The following TRIO variants were observed in gnomAD, a reference collection of about 807,000 sequenced individuals.
The protein encoded by TRIO is trio Rho guanine nucleotide exchange factor, also known as triple functional domain protein.
A neutral mutation model predicts 351.9 loss-of-function variants in TRIO; 58 were observed. The ratio of observed to expected loss-of-function variants is 0.16; its 90% CI spans 0.13 to 0.21. The LOEUF is 0.21. TRIO is among the 10% of genes least tolerant of loss of function. The probability of loss-of-function intolerance (pLI) is 1.00; values close to 1 mark genes in which losing one functional copy is unlikely to be tolerated. For missense variants in TRIO, 3,201 were observed against 4,027.8 expected (o/e 0.79, Z 5.56); for synonymous variants, 1,758 against 1,595.7 (o/e 1.10, Z -2.42).
chr5:14,239,599 G>A (rs984715019), intron 1 of TRIO, among the ~76,000 whole-genome samples: 5 of 152,196 alleles, frequency 3.3e-5, no homozygotes, highest in Non-Finnish European at 7.3e-5. Flanking sequence ...TACAGGTAGG[G>A]ATTCTGAGGC....
chr5:14,295,053 T>C (rs1052228111), intron 6 of TRIO, among the ~76,000 whole-genome samples: 8 of 152,182 alleles, frequency 5.3e-5, no homozygotes, highest in Non-Finnish European at 1.2e-4. Context: ...TGGGGAGCTT[T>C]CTGGACCAGG....
chr5:14,319,132 T>C (rs1581608316), intron 9 of TRIO, among the ~76,000 whole-genome samples: 1 of 152,232 alleles, frequency 6.6e-6, no homozygotes, highest in Non-Finnish European at 1.5e-5. Context: ...TAGCTTTTTT[T>C]CCCCTCTCAA....
chr5:14,183,977 A>G, intron 1 of TRIO: 1 of 697,928 alleles, frequency 1.4e-6, no homozygotes, highest in Non-Finnish European at 2.6e-6. Context: ...TGTGTCCCAG[A>G]CTTTAAAAAA....
chr5:14,444,420 G>T (rs1752289892), intron 34 of TRIO, among the ~76,000 whole-genome samples: 1 of 152,016 alleles, frequency 6.6e-6, no homozygotes, highest in Admixed American at 6.5e-5. Context: ...ATCGTTTTTT[G>T]CCCTTTAAGT....
At position 14,316,899 on chromosome 5, in the gene TRIO, G is replaced by A. The variant is rs354915; in HGVS notation, c.1731+156G>A. Among the ~76,000 whole-genome samples, 10,051 of 152,228 alleles carry A rather than the reference G, an allele frequency of 0.066. 1,174 individuals are homozygous for A. Among genetic ancestry groups the A allele is most frequent in the African/African-American group, 0.23 (9,551 of 41,500 alleles). On this transcript the variant is annotated intron_variant, in intron 9 of 56. Transcript: ENST00000344204. ...TGAATGTAAGTGAAAACTGGGCTTA[G>A]GAACGCGTGTTCAGGCTGCTGTCAG...
intron 1 of TRIO, among the ~76,000 whole-genome samples, chr5:14,148,929 TTC>T: frequency 6.6e-6 from 1 of 152,186 alleles, no homozygotes; most frequent in Non-Finnish European, 1.5e-5. Context: ...ATCCACAGGG[TTC>T]TCTTCGTCCT....
intron 29 of TRIO, 85 bp from the exon 30 acceptor site, chr5:14,398,795 T>G: frequency 7.8e-7 from 1 of 1,276,072 alleles, no homozygotes; most frequent in Non-Finnish European, 1.0e-6. Context: ...TTTTTAAAAT[T>G]GTTGAAAATA....
At chr5:14,268,087 T>G (rs1217020399) in intron 1 of TRIO, among the ~76,000 whole-genome samples, 1 of 152,246 alleles carries the variant, frequency 6.6e-6, no homozygotes, top group African/African-American at 2.4e-5. Context: ...AGACTGAGTC[T>G]TCCTTAATTT....
intron 1 of TRIO, among the ~76,000 whole-genome samples, chr5:14,207,206 G>A (rs2152184302): frequency 6.6e-6 from 1 of 151,638 alleles, no homozygotes; most frequent in East Asian, 1.9e-4. Context: ...GAGGTGGGAG[G>A]TTGGCTTGAG....
At chr5:14,481,403 C>G (rs1017510683) in intron 44 of TRIO, 119 bp downstream of exon 44, 118 of 1,466,558 alleles carry the variant, frequency 8.0e-5, no homozygotes, top group Non-Finnish European at 9.4e-6. Context: ...ATGACAGAGT[C>G]TCTCCAGTGC....
At chr5:14,358,405 C>T (rs536546896) in intron 12 of TRIO, 58 bp downstream of exon 12, 1 of 1,589,944 alleles carries the variant, frequency 6.3e-7, no homozygotes, top group Non-Finnish European at 8.6e-7. Context: ...TGTGACTCCC[C>T]TTCCCCTTTT....
At chr5:14,238,994 C>A (rs947869813) in intron 1 of TRIO, among the ~76,000 whole-genome samples, 12 of 152,126 alleles carry the variant, frequency 7.9e-5, no homozygotes, top group African/African-American at 2.7e-4. Context: ...ATGGTGACGC[C>A]GATGAGGCTT....
At chr5:14,202,465 A>G (rs1232002288) in intron 1 of TRIO, among the ~76,000 whole-genome samples, 1 of 151,634 alleles carries the variant, frequency 6.6e-6, no homozygotes, top group Non-Finnish European at 1.5e-5. Context: ...GTGATTTTGA[A>G]TACTGTAGCT....
chr5:14,275,941 T>TATATATATACATATATATAC (rs1186624778), intron 2 of TRIO, among the ~76,000 whole-genome samples: 118 of 148,032 alleles, frequency 8.0e-4, no homozygotes, highest in Admixed American at 1.4e-3. Flanking sequence ...TATGTGTGTC[T>TATATATATACATATATATAC]ATATATATAC....
intron 1 of TRIO, among the ~76,000 whole-genome samples, chr5:14,244,903 GT>G (rs1794341365): frequency 6.6e-6 from 1 of 152,186 alleles, no homozygotes; most frequent in Non-Finnish European, 1.5e-5. Flanking sequence ...GGCAGAGGGG[GT>G]GGGCTGCAAG....
rs193099896 is a variant in TRIO at position 14,165,620 on chromosome 5, C to T, written c.157+21738C>T. 2.6e-5 allele frequency among the ~76,000 whole-genome samples: 4 copies of T among 152,256 alleles called. No homozygotes were observed. The East Asian group carries it at 7.7e-4, about 29-fold the overall frequency. On this transcript the variant is annotated intron_variant, in intron 1 of 56. Transcript: ENST00000344204. The stretch of plus-strand genomic sequence containing the variant: ...TGTCTGTCTTTCTGAGGCTCTGTGT[C>T]TCTGTGGACCCTTCAAAGGGACTTT...
Position 14,330,737 on chromosome 5 carries a change from G to T in TRIO, c.1732-41G>T. On this transcript the variant is annotated intron_variant, in intron 9 of 56. Coordinates refer to ENST00000344204, the MANE Select transcript of TRIO (RefSeq NM_007118.4). ...TAACCTTAAACATTGAACATGGCAG[G>T]ACATTGTTTTTATGGCATATGTACC... 3 of 1,607,242 alleles carry T rather than the reference G, an allele frequency of 1.9e-6. No homozygotes were observed. The South Asian group carries it at 3.3e-5, about 18-fold the overall frequency.
intron 1 of TRIO, among the ~76,000 whole-genome samples, chr5:14,232,424 C>T (rs1440872256): frequency 6.6e-6 from 1 of 152,150 alleles, no homozygotes; most frequent in Non-Finnish European, 1.5e-5. Flanking sequence ...GCTTACAGCA[C>T]CCCCACTCCT....
At chr5:14,470,670 G>A (rs1352459781) in intron 37 of TRIO, among the ~76,000 whole-genome samples, 1 of 152,214 alleles carries the variant, frequency 6.6e-6, no homozygotes, top group Non-Finnish European at 1.5e-5. Context: ...GAAACCAAAA[G>A]CCAGTGGGGG....
Sources: allele counts gnomAD v4.1 joint callset (sites outside exome capture counted in the v4.1 genomes callset), GRCh38; gene constraint gnomAD v4.1.1; transcripts MANE v1.5; gene names NCBI Gene and HGNC (gene_info 2026-07-23, HGNC 2026-07-21).